Variants in CHD3 observed in about 807,000 individuals in gnomAD.
The protein encoded by CHD3 is chromodomain helicase DNA binding protein 3.
In CHD3, 52 loss-of-function variants were observed where a neutral mutation model predicts 248.9. The observed-to-expected ratio is 0.21, with a 90% CI of 0.17 to 0.26. The LOEUF (loss-of-function observed/expected upper bound fraction) is 0.26, where lower values mean the gene tolerates loss of function less well. Ranked by LOEUF, CHD3 falls within the 10% of genes least tolerant of loss-of-function variation. The probability of loss-of-function intolerance (pLI) is 1.00; values close to 1 mark genes in which losing one functional copy is unlikely to be tolerated. For missense variants in CHD3, 1,482 were observed against 2,605.8 expected, an observed-to-expected ratio of 0.57 and a Z score of 9.39; for synonymous variants, 985 against 985.2, an observed-to-expected ratio of 1.00 and a Z score of 0.00.
Position 7,910,135 on chromosome 17 carries a change from C to T in CHD3, c.5591-293C>T. ...GCCCCCATGTCTTCCAATGTCCCCCCATCTTCCTTTCCTCCATGCTCCCTT... is the reference window on the plus strand; with the variant it reads ...GCCCCCATGTCTTCCAATGTCCCCCTATCTTCCTTTCCTCCATGCTCCCTT... On this transcript the variant is annotated intron_variant, in intron 37 of 39. Transcript: ENST00000330494. The surrounding 1 kb of genome is among the most constrained non-coding windows in gnomAD (Gnocchi z 4.7). 5.0e-6 allele frequency: 2 copies of T among 401,828 alleles called. No individual in the cohort carries two copies. Among genetic ancestry groups the T allele is most frequent in the Non-Finnish European group, 9.1e-6 (2 of 220,894 alleles). The allele number at this position is 401,828 out of a possible 1,614,324, so 24.9% of individuals were successfully genotyped here.
At chr17:7,891,454 G>A (rs1968846393) in intron 4 of CHD3, among the ~76,000 whole-genome samples, 1 of 152,216 alleles carries the variant, frequency 6.6e-6, no homozygotes, top group Admixed American at 6.5e-5. Flanking sequence ...AGCTCACTTA[G>A]CAGGTCCTGT....
Position 7,903,713 on chromosome 17 carries a change from G to C in CHD3, c.3728-112G>C. ...AAAAACCTTTCAACATTGGCTCCCG[G>C]GGAAAAAGCCTTCTCTAGGGCTCCT... On this transcript the variant is annotated intron_variant, in intron 23 of 39. Coordinates refer to ENST00000330494, the MANE Select transcript of CHD3 (RefSeq NM_001005273.3). The surrounding 1 kb of genome is among the most constrained non-coding windows in gnomAD (Gnocchi z 6.8). 8.0e-7 allele frequency: 1 copy of C among 1,254,134 alleles called. No homozygotes were observed. Among genetic ancestry groups the C allele is most frequent in the Non-Finnish European group, 1.1e-6 (1 of 908,370 alleles). 77.7% of individuals were successfully genotyped at this position (1,254,134 alleles called of 1,614,324 possible). A position where few individuals can be genotyped will look rare whatever the true frequency, so the allele number is the denominator to read the frequency against.
Position 7,907,295 on chromosome 17 carries a change from T to A in CHD3, c.4788+48T>A. 1 of 1,613,406 alleles carries A rather than the reference T, an allele frequency of 6.2e-7. No individual in the cohort carries two copies. Among genetic ancestry groups the A allele is most frequent in the South Asian group, 1.1e-5 (1 of 91,006 alleles). ...CTGTGGAGCGGGAGGGGAGGGGGCT[T>A]GGAGGCCAGGTACCTGGGAGCCCTC... On this transcript the variant is annotated intron_variant, in intron 31 of 39. Coordinates refer to ENST00000330494, the MANE Select transcript of CHD3 (RefSeq NM_001005273.3). The surrounding 1 kb of genome is among the most constrained non-coding windows in gnomAD (Gnocchi z 4.3).
chr17:7,906,155 C>A lies in CHD3; in HGVS notation c.4358+166C>A, dbSNP rs144649037. ...TTTCCTGGGGGGTGGTCTCAGCCCA[C>A]TCCACCTCCCCTCAGCCGAGCCTAG... On this transcript the variant is annotated intron_variant, in intron 28 of 39. Coordinates refer to ENST00000330494, the MANE Select transcript of CHD3 (RefSeq NM_001005273.3). The surrounding 1 kb of genome is among the most constrained non-coding windows in gnomAD (Gnocchi z 5.0). The A allele has an allele frequency of 1.9e-6, 2 of 1,070,756 alleles. No homozygotes were observed. The highest frequency in any genetic ancestry group is 2.9e-6 in the Non-Finnish European group (2 of 698,196). The allele number at this position is 1,070,756 out of a possible 1,614,324, so 66.3% of individuals were successfully genotyped here.
rs1028495597 is a variant in CHD3, at chr17:7,909,014, C to T, written c.5395-129C>T. The T allele has an allele frequency of 1.1e-5, 15 of 1,409,836 alleles. No individual in the cohort carries two copies. The highest frequency in any genetic ancestry group is 1.4e-5 in the African/African-American group (1 of 70,008). The allele number at this position is 1,409,836 out of a possible 1,614,324, so 87.3% of individuals were successfully genotyped here. ...TCAGGGTTGCTGCTAGGTTCGCAGT[C>T]GGTTTGGAGCTGGGAGTGCCCTGGG... On this transcript the variant is annotated intron_variant, in intron 36 of 39. Coordinates refer to ENST00000330494, the MANE Select transcript of CHD3 (RefSeq NM_001005273.3). The surrounding 1 kb of genome is among the most constrained non-coding windows in gnomAD (Gnocchi z 8.1).
At chr17:7,890,829 G>T in intron 3 of CHD3, 88 bp downstream of exon 3, 1 of 1,581,996 alleles carries the variant, frequency 6.3e-7, no homozygotes, top group Non-Finnish European at 8.6e-7. Context: ...TGGAGAATGG[G>T]GCAAGAAGCA....
At chr17:7,896,768 C>T (rs560993505) in intron 10 of CHD3, among the ~76,000 whole-genome samples, 1 of 152,154 alleles carries the variant, frequency 6.6e-6, no homozygotes, top group Non-Finnish European at 1.5e-5. Flanking sequence ...AAGCGATTCT[C>T]CTGCCTCAGC....
At position 7,904,216 on chromosome 17, in the gene CHD3, C is replaced by T. The variant is rs1018930124; in HGVS notation, c.3894+225C>T. ...CTTCTGAGACAGTGCAGGAGAAACA[C>T]TGTCAGAGGGATTAGAGGAGAGATT... On this transcript the variant is annotated intron_variant, in intron 24 of 39. Coordinates refer to ENST00000330494, the MANE Select transcript of CHD3 (RefSeq NM_001005273.3). This position sits in a 1 kb window ranked among gnomAD's most constrained non-coding sequence, Gnocchi z 4.4. 3 of 621,484 alleles carry T rather than the reference C, an allele frequency of 4.8e-6. No individual in the cohort carries two copies. The highest frequency in any genetic ancestry group is 5.6e-6 in the Non-Finnish European group (2 of 355,242). 38.5% of individuals were successfully genotyped at this position (621,484 alleles called of 1,614,324 possible).
In CHD3 at chr17:7,910,543, C is replaced by T; in HGVS notation, c.5706C>T (p.Ser1902=). The change falls in exon 38 of 40, where the codon AGC becomes AGT. Residue 1902 remains serine, a synonymous_variant. Coordinates refer to ENST00000330494, the MANE Select transcript of CHD3 (RefSeq NM_001005273.3). The surrounding 1 kb of genome is among the most constrained non-coding windows in gnomAD (Gnocchi z 4.7). ...IAARLQMSER[S]ILSRLASKGT... is the part of the protein sequence containing the mutation. Reference sequence around the variant, plus strand: ...CCCGCCTTCAGATGTCCGAGCGCAGCATCCTCAGCCGGCTGGCCAGCAAGG... The same window carrying T: ...CCCGCCTTCAGATGTCCGAGCGCAGTATCCTCAGCCGGCTGGCCAGCAAGG... 6.2e-7 allele frequency: 1 copy of T among 1,613,100 alleles called. No individual in the cohort carries two copies. Among genetic ancestry groups the T allele is most frequent in the Non-Finnish European group, 8.5e-7 (1 of 1,180,028 alleles).
In CHD3 at chr17:7,908,949, A is replaced by T; in HGVS notation, c.5394+120A>T. 1.4e-6 allele frequency: 2 copies of T among 1,462,784 alleles called. No homozygotes were observed. The highest frequency in any genetic ancestry group is 1.9e-6 in the Non-Finnish European group (2 of 1,062,954). 90.6% of individuals were successfully genotyped at this position (1,462,784 alleles called of 1,614,324 possible). ...AGGGCTGAGGTGATACCTGGGGCCA[A>T]GACCAAAGTGTAACCTTGTGCTTGG... is the stretch of plus-strand genomic sequence containing the variant. On this transcript the variant is annotated intron_variant, in intron 36 of 39. Transcript: ENST00000330494. This position sits in a 1 kb window ranked among gnomAD's most constrained non-coding sequence, Gnocchi z 5.8.
chr17:7,910,928 G>T lies in CHD3; in HGVS notation c.5836G>T (p.Ala1946Ser), dbSNP rs754341443. 6.2e-7 allele frequency: 1 copy of T among 1,613,600 alleles called. No individual in the cohort carries two copies. The change falls in exon 39 of 40, where the codon GCA becomes TCA. Residue 1946 changes from alanine (A) to serine (S), a missense_variant. Physicochemically the swap from Ala to Ser is moderately conservative, Grantham distance 99. Around this residue, in one of 20 missense-constraint regions of CHD3, gnomAD observed 117 missense variants for 137.2 expected, o/e 0.85. Transcript: ENST00000330494. This position sits in a 1 kb window ranked among gnomAD's most constrained non-coding sequence, Gnocchi z 4.7. Reference protein sequence around the residue: ...SAAPVGALAAAGANYSQMPAG... With the variant: ...SAAPVGALAASGANYSQMPAG... ...CGCACCCGTAGGGGCCCTGGCCGCC[G>T]CAGGCGCCAATTACAGCCAGATGCC... is the stretch of plus-strand genomic sequence containing the variant.
chr17:7,910,076 G>T lies in CHD3; in HGVS notation c.5591-352G>T. ...CCCATCATCCCCAACCCCAAACCTT[G>T]CTCTTCCAGTATGAGATGTTCTGAC... is the stretch of plus-strand genomic sequence containing the variant. On this transcript the variant is annotated intron_variant, in intron 37 of 39. Coordinates refer to ENST00000330494, the MANE Select transcript of CHD3 (RefSeq NM_001005273.3). The surrounding 1 kb of genome is among the most constrained non-coding windows in gnomAD (Gnocchi z 4.7). 1 of 345,288 alleles carries T rather than the reference G, an allele frequency of 2.9e-6. No individual in the cohort carries two copies. The highest frequency in any genetic ancestry group is 2.2e-5 in the African/African-American group (1 of 46,196). The allele number at this position is 345,288 out of a possible 1,614,324, so 21.4% of individuals were successfully genotyped here. A position where few individuals can be genotyped will look rare whatever the true frequency, so the allele number is the denominator to read the frequency against.
intron 4 of CHD3, among the ~76,000 whole-genome samples, chr17:7,892,248 G>A (rs891391259): frequency 2.6e-5 from 4 of 152,144 alleles, no homozygotes; most frequent in African/African-American, 9.7e-5. Flanking sequence ...CCCCAGAGCA[G>A]AACCAGCATG....
In CHD3 at chr17:7,906,945, G is replaced by T. The variant is rs776370829; in HGVS notation, c.4580G>T (p.Arg1527Leu). ...LMPDPSADSKRSSRASSPTKT... is the reference protein window; with the variant it reads ...LMPDPSADSKLSSRASSPTKT... The stretch of plus-strand genomic sequence containing the variant: ...CCTGACCCCAGCGCCGATTCTAAGC[G>T]CTCCTCCAGAGCCTCCTCTCCTACC... Residue 1527 changes from arginine (R) to leucine (L), a missense_variant, in exon 30 of 40, where the codon CGC (arginine) becomes CTC (leucine). Arg to Leu is a moderately radical substitution (Grantham distance 102, BLOSUM62 -2). Coordinates refer to ENST00000330494, the MANE Select transcript of CHD3 (RefSeq NM_001005273.3). This position sits in a 1 kb window ranked among gnomAD's most constrained non-coding sequence, Gnocchi z 5.0. 6.2e-7 allele frequency: 1 copy of T among 1,614,088 alleles called. No homozygotes were observed. The highest frequency in any genetic ancestry group is 2.2e-5 in the East Asian group (1 of 44,872).
rs1437311700 is a variant in CHD3 at position 7,890,678 on chromosome 17, C to T, written c.321C>T (p.His107=). ...CGGGTCGGAAACGAAGAAGGAAGCA[C>T]CGAGAAAAAAAGGAGAAGAAGACAA... The part of the protein sequence containing the change: ...TGPGRKRRRK[H]REKKEKKTKR... Residue 107 remains histidine (H), a synonymous_variant, in exon 3 of 40, where the codon CAC becomes CAT. Coordinates refer to ENST00000330494, the MANE Select transcript of CHD3 (RefSeq NM_001005273.3). 6 of 1,589,428 alleles carry T rather than the reference C, an allele frequency of 3.8e-6. No individual in the cohort carries two copies. The highest frequency in any genetic ancestry group is 1.8e-5 in the Admixed American group (1 of 55,668).
chr17:7,886,587 TAA>T (rs1002144785), upstream of CHD3, among the ~76,000 whole-genome samples: 5 of 152,068 alleles, frequency 3.3e-5, no homozygotes, highest in African/African-American at 4.8e-5. The surrounding 1 kb of genome is among the most constrained non-coding windows in gnomAD (Gnocchi z 4.2). Flanking sequence ...GGAAACTGGA[TAA>T]AGTCTCCCCG....
rs1352930973 is a variant in CHD3 at position 7,909,872 on chromosome 17, C to T, written c.5590+534C>T. 6 of 187,592 alleles carry T rather than the reference C, an allele frequency of 3.2e-5. No homozygotes were observed. In the East Asian group the frequency reaches 8.1e-4, roughly 25 times the overall value. The allele number at this position is 187,592 out of a possible 1,614,324, so 11.6% of individuals were successfully genotyped here. On this transcript the variant is annotated intron_variant, in intron 37 of 39. Coordinates refer to ENST00000330494, the MANE Select transcript of CHD3 (RefSeq NM_001005273.3). This position sits in a 1 kb window ranked among gnomAD's most constrained non-coding sequence, Gnocchi z 8.1. ...ATTGATAGAGATTATATCCCAAAGCCCTCTAACCATCTAATCCTGCCTGGT... is the reference window on the plus strand; with the variant it reads ...ATTGATAGAGATTATATCCCAAAGCTCTCTAACCATCTAATCCTGCCTGGT...
At position 7,902,930 on chromosome 17, in the gene CHD3, C is replaced by T; in HGVS notation, c.3371-7C>T. ...AAGAAAAACCTGATCCAACTCTCAC[C>T]TCCTAGCTCCTGGGGCCCAACAATT... On this transcript the variant is annotated splice_polypyrimidine_tract_variant and splice_region_variant and intron_variant, in intron 21 of 39. Coordinates refer to ENST00000330494, the MANE Select transcript of CHD3 (RefSeq NM_001005273.3). 6.2e-7 allele frequency: 1 copy of T among 1,614,032 alleles called. No homozygotes were observed. The highest frequency in any genetic ancestry group is 8.5e-7 in the Non-Finnish European group (1 of 1,179,966).
Position 7,906,202 on chromosome 17 carries a change from C to T in CHD3, c.4358+213C>T, listed in dbSNP as rs770652523. On this transcript the variant is annotated intron_variant, in intron 28 of 39. Coordinates refer to ENST00000330494, the MANE Select transcript of CHD3 (RefSeq NM_001005273.3). This position sits in a 1 kb window ranked among gnomAD's most constrained non-coding sequence, Gnocchi z 5.0. ...CTAGAGTAGAGGGGCCAGGCATCCT[C>T]CCCAGGGGAGGGGCGTTGAAGCAAG... The T allele has an allele frequency of 3.6e-6, 3 of 823,088 alleles. No homozygotes were observed. The highest frequency in any genetic ancestry group is 3.3e-5 in the African/African-American group (2 of 60,118). 51.0% of individuals were successfully genotyped at this position (823,088 alleles called of 1,614,324 possible).
Sources: gnomAD v4.1 joint callset for allele counts (sites outside exome capture counted in the v4.1 genomes callset) on GRCh38, gnomAD v4.1.1 for gene constraint, gnomAD v4.1.1 regional missense constraint, Gnocchi (gnomAD v3.1) non-coding constraint, MANE v1.5 for transcripts, NCBI Gene and HGNC (gene_info 2026-07-23, HGNC 2026-07-21) for gene names.